Variants in ANKRA2 observed in about 807,000 individuals in gnomAD.
ANKRA2 encodes the protein ankyrin repeat family A protein 2.
A neutral mutation model predicts 37.8 loss-of-function variants in ANKRA2; 33 were observed. The observed-to-expected ratio is 0.87, with a 90% CI of 0.66 to 1.17. ANKRA2 has a LOEUF of 1.17. Ranked by LOEUF, ANKRA2 falls within the 50% of genes most tolerant of loss-of-function variation. ANKRA2 has a pLI of 0.00. For missense variants in ANKRA2, 326 were observed against 373.7 expected, an observed-to-expected ratio of 0.87 and a Z score of 1.05; for synonymous variants, 126 against 132.3, an observed-to-expected ratio of 0.95 and a Z score of 0.33.
chr5:73,556,466 T>A (rs1747399804), intron 4 of ANKRA2, among the ~76,000 whole-genome samples: 1 of 152,192 alleles, frequency 6.6e-6, no homozygotes, highest in African/African-American at 2.4e-5. Flanking sequence ...CTTTACTTCA[T>A]TACAACAAAA....
At chr5:73,561,512 C>A (rs1747553553) in intron 2 of ANKRA2, 1 of 432,704 alleles carries the variant, frequency 2.3e-6, no homozygotes, top group African/African-American at 2.1e-5. Context: ...ACGCCTGTAA[C>A]CCCAGCACTT....
chr5:73,555,175 G>A, intron 5 of ANKRA2, 189 bp from the exon 6 acceptor site: 1 of 1,408,812 alleles, frequency 7.1e-7, no homozygotes, highest in Non-Finnish European at 9.2e-7. Flanking sequence ...CCTCCGTCCT[G>A]TATCAATCCT....
At position 73,562,905 on chromosome 5, in the gene ANKRA2, C is replaced by T. The variant is rs1747594690; in HGVS notation, c.-24G>A. 1 of 1,562,132 alleles carries T rather than the reference C, an allele frequency of 6.4e-7. No individual in the cohort carries two copies. Among genetic ancestry groups the T allele is most frequent in the African/African-American group, 1.4e-5 (1 of 73,398 alleles). On this transcript the variant is annotated 5_prime_UTR_variant, in exon 2 of 9. An upstream open reading frame in the 5' UTR loses its in-frame stop. Coordinates refer to ENST00000296785, the MANE Select transcript of ANKRA2 (RefSeq NM_023039.5). Reference sequence around the variant, plus strand: ...ATGATTTCAACTGTAGTTTCAATAACTAAAACATTTCTTCATGATTTCCTC... The same window carrying T: ...ATGATTTCAACTGTAGTTTCAATAATTAAAACATTTCTTCATGATTTCCTC...
chr5:73,560,044 G>A (rs1747505205), intron 3 of ANKRA2, among the ~76,000 whole-genome samples: 1 of 152,150 alleles, frequency 6.6e-6, no homozygotes, highest in South Asian at 2.1e-4. Context: ...GATTACAGGT[G>A]TGACACGCCG....
rs1747378000 is a variant in ANKRA2, at chr5:73,555,573, T to C, written c.527A>G (p.Asn176Ser). The C allele has an allele frequency of 6.2e-7, 1 of 1,613,700 alleles. No individual in the cohort carries two copies. Among genetic ancestry groups the C allele is most frequent in the East Asian group, 2.2e-5 (1 of 44,884 alleles). The change falls in exon 5 of 9, where the codon AAT (asparagine) becomes AGT (serine). Residue 176 changes from asparagine (N) to serine (S), a missense_variant. By Grantham distance (46) the Asn-to-Ser change is conservative. Around this residue, in one of 3 missense-constraint regions of ANKRA2, gnomAD observed 228 missense variants for 260.2 expected, o/e 0.88. Coordinates refer to ENST00000296785, the MANE Select transcript of ANKRA2 (RefSeq NM_023039.5). ...ATRIEQENVI[N>S]HTDEEGFTPL... Reference sequence around the variant, plus strand: ...AGTAAATCCTTCTTCATCCGTGTGATTGATAACATTTTCTATTTAAAAGAA... The same window carrying C: ...AGTAAATCCTTCTTCATCCGTGTGACTGATAACATTTTCTATTTAAAAGAA...
intron 2 of ANKRA2, 63 bp from the exon 3 acceptor site, chr5:73,561,351 T>C: frequency 6.8e-7 from 1 of 1,468,102 alleles, no homozygotes; most frequent in East Asian, 2.3e-5. Flanking sequence ...TGTCAATGTC[T>C]ACATTTGAAA....
Position 73,565,496 on chromosome 5 carries a change from G to T in ANKRA2, c.-469C>A. ...CCGCAGCAATGCAGCTGAAACTTTCGGGTTTTCTTTTTTTTGTCCCTCTCT... is the reference window on the plus strand; with the variant it reads ...CCGCAGCAATGCAGCTGAAACTTTCTGGTTTTCTTTTTTTTGTCCCTCTCT... On this transcript the variant is annotated 5_prime_UTR_variant, in exon 1 of 9. Coordinates refer to ENST00000296785, the MANE Select transcript of ANKRA2 (RefSeq NM_023039.5). 8.0e-6 allele frequency: 2 copies of T among 249,242 alleles called. No individual in the cohort carries two copies. Among genetic ancestry groups the T allele is most frequent in the Non-Finnish European group, 1.6e-5 (2 of 122,792 alleles). The allele number at this position is 249,242 out of a possible 1,614,324, so 15.4% of individuals were successfully genotyped here. A position where few individuals can be genotyped will look rare whatever the true frequency, so the allele number is the denominator to read the frequency against.
Position 73,554,336 on chromosome 5 carries a change from A to C in ANKRA2, c.791T>G (p.Val264Gly). The change falls in exon 7 of 9, where the codon GTA (valine) becomes GGA (glycine). Residue 264 changes from valine to glycine, a missense_variant. This residue lies in a region of ANKRA2 where 228 missense variants were observed against 260.2 expected (regional missense o/e 0.88). Transcript: ENST00000296785. The stretch of plus-strand genomic sequence containing the variant: ...TATCTGCTTACCTAAGAGCATCTTT[A>C]CACATTTCACATGATTTCCATGTAC... ...YAVHGNHVKC[V>G]KMLLESGADP... The C allele has an allele frequency of 6.2e-7, 1 of 1,613,652 alleles. No homozygotes were observed. The highest frequency in any genetic ancestry group is 8.5e-7 in the Non-Finnish European group (1 of 1,179,814).
At chr5:73,553,224 T>C (rs1175948211) in intron 8 of ANKRA2, among the ~76,000 whole-genome samples, 182 bp downstream of exon 8, 1 of 152,226 alleles carries the variant, frequency 6.6e-6, no homozygotes, top group Non-Finnish European at 1.5e-5. Flanking sequence ...GTGAAAAGTA[T>C]AGTAACAAAC....
intron 2 of ANKRA2, 178 bp from the exon 3 acceptor site, chr5:73,561,466 CAA>C (rs796578276): frequency 0.011 from 5,129 of 477,926 alleles, no homozygotes; most frequent in East Asian, 0.014. Context: ...AATGGTTAGT[CAA>C]AAAAAAAAAA....
intron 3 of ANKRA2, among the ~76,000 whole-genome samples, chr5:73,560,847 C>T (rs907415934): frequency 6.6e-6 from 1 of 152,200 alleles, no homozygotes; most frequent in Admixed American, 6.5e-5. Flanking sequence ...CTGTGTACTT[C>T]CACTGAGTTC....
chr5:73,554,138 G>T (rs1276084399), intron 7 of ANKRA2, among the ~76,000 whole-genome samples, 184 bp downstream of exon 7: 2 of 152,168 alleles, frequency 1.3e-5, no homozygotes, highest in Non-Finnish European at 2.9e-5. Context: ...TGCAGGTGTG[G>T]TATGTGATGG....
intron 7 of ANKRA2, among the ~76,000 whole-genome samples, chr5:73,553,707 T>C (rs551629894): frequency 1.3e-5 from 2 of 152,162 alleles, no homozygotes; most frequent in Admixed American, 1.3e-4. Context: ...CTGAAACTCA[T>C]ACACAATTAA....
At chr5:73,561,513 C>A in intron 2 of ANKRA2, 1 of 433,548 alleles carries the variant, frequency 2.3e-6, no homozygotes, top group Non-Finnish European at 4.0e-6. Context: ...CGCCTGTAAC[C>A]CCAGCACTTT....
At chr5:73,557,419 T>C in intron 4 of ANKRA2, 156 bp downstream of exon 4, 1 of 208,694 alleles carries the variant, frequency 4.8e-6, no homozygotes, top group Non-Finnish European at 9.2e-6. Context: ...TCCTTTTTTT[T>C]TTTTTTTTTT....
At chr5:73,560,896 A>G (rs1747534248) in intron 3 of ANKRA2, among the ~76,000 whole-genome samples, 1 of 152,140 alleles carries the variant, frequency 6.6e-6, no homozygotes, top group Admixed American at 6.5e-5. Context: ...ATCGTGTGGT[A>G]TTTGTCTTTC....
intron 5 of ANKRA2, 183 bp downstream of exon 5, chr5:73,555,305 C>G: frequency 8.2e-7 from 1 of 1,218,122 alleles, no homozygotes; most frequent in Admixed American, 2.9e-5. Flanking sequence ...TTATTTCTCA[C>G]TGTTGCATGT....
At position 73,552,660 on chromosome 5, in the gene ANKRA2, C is replaced by A; in HGVS notation, c.*137G>T. 1.4e-6 allele frequency: 1 copy of A among 697,524 alleles called. No homozygotes were observed. 43.2% of individuals were successfully genotyped at this position (697,524 alleles called of 1,614,324 possible). Reference sequence around the variant, plus strand: ...ACATTTATTATAAACCAGTGAATTACTCAGAGAAATATTTATTAAAACCTA... The same window carrying A: ...ACATTTATTATAAACCAGTGAATTAATCAGAGAAATATTTATTAAAACCTA... On this transcript the variant is annotated 3_prime_UTR_variant, in exon 9 of 9. Transcript: ENST00000296785.
At position 73,552,647 on chromosome 5, in the gene ANKRA2, A is replaced by G; in HGVS notation, c.*150T>C. On this transcript the variant is annotated 3_prime_UTR_variant, in exon 9 of 9. Coordinates refer to ENST00000296785, the MANE Select transcript of ANKRA2 (RefSeq NM_023039.5). The stretch of plus-strand genomic sequence containing the variant: ...TAAAAAGAGTATTACATTTATTATA[A>G]ACCAGTGAATTACTCAGAGAAATAT... 1 of 640,198 alleles carries G rather than the reference A, an allele frequency of 1.6e-6. No individual in the cohort carries two copies. Among genetic ancestry groups the G allele is most frequent in the Non-Finnish European group, 2.7e-6 (1 of 367,312 alleles). The allele number at this position is 640,198 out of a possible 1,614,324, so 39.7% of individuals were successfully genotyped here.
Sources: allele counts gnomAD v4.1 joint callset (sites outside exome capture counted in the v4.1 genomes callset), GRCh38; gene constraint gnomAD v4.1.1; regional missense constraint gnomAD v4.1.1; transcripts MANE v1.5; gene names NCBI Gene and HGNC (gene_info 2026-07-23, HGNC 2026-07-21).